The following SLC44A1 variants were observed in gnomAD, a reference collection of about 807,000 sequenced individuals.
The protein encoded by SLC44A1 is solute carrier family 44 member 1.
SLC44A1 carries 26 observed loss-of-function variants against 79.3 expected under a neutral mutation model. The ratio of observed to expected loss-of-function variants is 0.33; its 90% CI spans 0.24 to 0.46. SLC44A1 has a LOEUF of 0.46. Among genes scored for constraint, SLC44A1 ranks in the 20% least tolerant of loss-of-function variants. The pLI is 1.00. For synonymous variants in SLC44A1, 263 were observed against 286.2 expected (o/e 0.92, Z 0.82); for missense variants, 688 against 798.1 (o/e 0.86, Z 1.66).
intron 15 of SLC44A1, among the ~76,000 whole-genome samples, chr9:105,424,877 G>A (rs1314213527): frequency 6.6e-6 from 1 of 151,140 alleles, no homozygotes; most frequent in Non-Finnish European, 1.5e-5. Flanking sequence ...AACCCAAGAG[G>A]TGGAGGTTGC....
At chr9:105,335,726 T>C (rs767762024) in intron 4 of SLC44A1, 27 bp downstream of exon 4, 2 of 1,602,670 alleles carry the variant, frequency 1.2e-6, no homozygotes, top group East Asian at 4.5e-5. Flanking sequence ...TCCAAATCTA[T>C]GTCCTGTCAC....
At chr9:105,351,558 G>A (rs11793675) in intron 5 of SLC44A1, among the ~76,000 whole-genome samples, 7,375 of 110,400 alleles carry the variant, frequency 0.067, 564 homozygotes, top group African/African-American at 0.22. Context: ...GAAAGAAAGA[G>A]AGAAAGAGAG....
chr9:105,417,382 A>C (rs551866668), intron 15 of SLC44A1, among the ~76,000 whole-genome samples: 49 of 152,274 alleles, frequency 3.2e-4, no homozygotes, highest in Non-Finnish European at 6.5e-4. Context: ...AAGGATAAAG[A>C]AACCTTGTTT....
At chr9:105,407,030 A>G (rs1403603436) in intron 15 of SLC44A1, among the ~76,000 whole-genome samples, 1 of 152,166 alleles carries the variant, frequency 6.6e-6, no homozygotes. Context: ...CAGGCAGAAG[A>G]AAGAATCACC....
chr9:105,302,415 C>T (rs996835581), intron 2 of SLC44A1, among the ~76,000 whole-genome samples: 8 of 151,414 alleles, frequency 5.3e-5, no homozygotes, highest in African/African-American at 9.7e-5. Flanking sequence ...GTGCAGGGTG[C>T]GATCTTGGCT....
At chr9:105,398,446 CT>C (rs1384464353), downstream of SLC44A1, among the ~76,000 whole-genome samples, 4 of 152,022 alleles carry the variant, frequency 2.6e-5, no homozygotes, top group African/African-American at 7.2e-5. Flanking sequence ...ACTGTTCTTT[CT>C]TTTTTTGAGT....
intron 3 of SLC44A1, among the ~76,000 whole-genome samples, chr9:105,322,087 G>A (rs530886138): frequency 2.6e-5 from 4 of 152,234 alleles, no homozygotes; most frequent in East Asian, 3.9e-4. Flanking sequence ...CAATGAAATG[G>A]GAATAAAAAA....
At chr9:105,257,898 AG>A (rs1161580373) in intron 1 of SLC44A1, among the ~76,000 whole-genome samples, 1 of 152,168 alleles carries the variant, frequency 6.6e-6, no homozygotes, top group African/African-American at 2.4e-5. Flanking sequence ...TCATATTTGA[AG>A]GGGAGGAAAA....
chr9:105,432,911 T>C (rs763429791), intron 15 of SLC44A1, among the ~76,000 whole-genome samples: 8 of 152,046 alleles, frequency 5.3e-5, no homozygotes, highest in African/African-American at 1.2e-4. Flanking sequence ...AAAGACACCA[T>C]TAAAAGAGAG....
intron 15 of SLC44A1, among the ~76,000 whole-genome samples, chr9:105,419,204 TA>T (rs1829212774): frequency 6.6e-6 from 1 of 152,164 alleles, no homozygotes; most frequent in African/African-American, 2.4e-5. Flanking sequence ...AGCACTAATA[TA>T]AATGCCTGCT....
chr9:105,319,661 A>C (rs188072750), intron 3 of SLC44A1, among the ~76,000 whole-genome samples: 138 of 152,248 alleles, frequency 9.1e-4, no homozygotes, highest in African/African-American at 3.2e-3. Flanking sequence ...CCTAAAACAC[A>C]TTGTTAGACT....
chr9:105,382,758 A>G (rs1564040817), intron 13 of SLC44A1, among the ~76,000 whole-genome samples: 2 of 152,300 alleles, frequency 1.3e-5, no homozygotes, highest in South Asian at 2.1e-4. Context: ...TTACACTGAA[A>G]TATCACTTTT....
chr9:105,277,626 A>G (rs946942994), intron 1 of SLC44A1, among the ~76,000 whole-genome samples: 2 of 152,224 alleles, frequency 1.3e-5, no homozygotes, highest in African/African-American at 2.4e-5. Flanking sequence ...TGAAAAATAC[A>G]ATAAACAACC....
intron 8 of SLC44A1, among the ~76,000 whole-genome samples, chr9:105,361,581 A>T (rs1425853933): frequency 6.6e-6 from 1 of 152,236 alleles, no homozygotes; most frequent in East Asian, 1.9e-4. Context: ...GAATATTTAC[A>T]TTACCATTTG....
chr9:105,306,278 A>G (rs928558292), intron 2 of SLC44A1, among the ~76,000 whole-genome samples: 9 of 152,028 alleles, frequency 5.9e-5, no homozygotes, highest in Admixed American at 4.6e-4. Flanking sequence ...CTTCTGTTGA[A>G]TGCCTTTTCC....
At chr9:105,409,383 A>G (rs997547419) in intron 15 of SLC44A1, among the ~76,000 whole-genome samples, 8 of 152,222 alleles carry the variant, frequency 5.3e-5, no homozygotes, top group African/African-American at 1.9e-4. Flanking sequence ...AATAACATAT[A>G]GCAATTATAA....
At chr9:105,349,762 G>A (rs1483025799) in intron 5 of SLC44A1, among the ~76,000 whole-genome samples, 1 of 152,070 alleles carries the variant, frequency 6.6e-6, no homozygotes, top group African/African-American at 2.4e-5. Flanking sequence ...TTTGAATATA[G>A]AATCATGCTC....
chr9:105,430,614 A>C (rs1829380275), intron 15 of SLC44A1, among the ~76,000 whole-genome samples: 1 of 152,134 alleles, frequency 6.6e-6, no homozygotes, highest in Admixed American at 6.5e-5. Context: ...ATCTCTTTTT[A>C]TGGCTGAATA....
At chr9:105,362,053 CGT>C (rs200273035) in intron 8 of SLC44A1, among the ~76,000 whole-genome samples, 9 of 151,116 alleles carry the variant, frequency 6.0e-5, no homozygotes, top group East Asian at 1.9e-4. Context: ...TTTGTGTGTG[CGT>C]GTGTGTGCGC....
Sources: allele counts gnomAD v4.1 joint callset (sites outside exome capture counted in the v4.1 genomes callset), GRCh38; gene constraint gnomAD v4.1.1; transcripts MANE v1.5; gene names NCBI Gene and HGNC (gene_info 2026-07-23, HGNC 2026-07-21).